Variants in CACNA2D1 observed in about 807,000 individuals in gnomAD.
CACNA2D1 encodes calcium voltage-gated channel auxiliary subunit alpha2delta 1, also known as voltage-dependent calcium channel subunit alpha-2/delta-1.
In CACNA2D1, 53 loss-of-function variants were observed where a neutral mutation model predicts 171.5. The ratio of observed to expected loss-of-function variants is 0.31; its 90% confidence interval spans 0.25 to 0.39. The LOEUF (loss-of-function observed/expected upper bound fraction) is 0.39. CACNA2D1 is among the 10% of genes least tolerant of loss of function. The pLI, the probability that CACNA2D1 is intolerant of heterozygous loss-of-function variation, is 1.00. For missense variants in CACNA2D1, 903 were observed against 1,299.8 expected (o/e 0.69, Z 4.69); for synonymous variants, 442 against 443.1 (o/e 1.00, Z 0.03).
At chr7:82,330,118 G>A (rs1430328880) in intron 3 of CACNA2D1, among the ~76,000 whole-genome samples, 6 of 151,724 alleles carry the variant, frequency 4.0e-5, no homozygotes, top group Admixed American at 2.6e-4. Flanking sequence ...CAACTAAAAG[G>A]TTTTGATATC....
At chr7:82,428,687 C>T (rs999850272) in intron 1 of CACNA2D1, among the ~76,000 whole-genome samples, 9 of 152,092 alleles carry the variant, frequency 5.9e-5, no homozygotes, top group African/African-American at 1.7e-4. Context: ...TACTTGATGG[C>T]CTCTCATTTA....
intron 1 of CACNA2D1, among the ~76,000 whole-genome samples, chr7:82,416,027 C>G (rs1317108039): frequency 6.6e-6 from 1 of 151,802 alleles, no homozygotes; most frequent in African/African-American, 2.4e-5. Flanking sequence ...CCAGTCTGAC[C>G]AACATGGTGA....
chr7:82,180,147 A>C (rs1467441387), intron 3 of CACNA2D1, among the ~76,000 whole-genome samples: 26 of 152,156 alleles, frequency 1.7e-4, no homozygotes, highest in Admixed American at 1.7e-3. Context: ...AATGCATAGC[A>C]AACAGCCTTG....
intron 10 of CACNA2D1, among the ~76,000 whole-genome samples, chr7:82,060,182 T>TATATATA (rs1806549783): frequency 7.3e-5 from 1 of 13,644 alleles, no homozygotes; most frequent in African/African-American, 2.4e-4. Flanking sequence ...ATATATAATA[T>TATATATA]ATATATATTA....
chr7:82,071,837 G>C (rs1808352314), intron 7 of CACNA2D1, among the ~76,000 whole-genome samples: 1 of 152,126 alleles, frequency 6.6e-6, no homozygotes, highest in Non-Finnish European at 1.5e-5. Context: ...AGTGATATAT[G>C]CATGACTCTT....
chr7:82,362,406 C>T (rs1024395129), intron 1 of CACNA2D1, among the ~76,000 whole-genome samples: 1 of 152,116 alleles, frequency 6.6e-6, no homozygotes, highest in Non-Finnish European at 1.5e-5. Context: ...CTCCCACAGG[C>T]CTGACAACCC....
intron 1 of CACNA2D1, among the ~76,000 whole-genome samples, chr7:82,378,639 A>G (rs1439364683): frequency 6.6e-6 from 1 of 152,110 alleles, no homozygotes; most frequent in Non-Finnish European, 1.5e-5. Flanking sequence ...TTTGTCATGA[A>G]TTCTCCAGAC....
intron 10 of CACNA2D1, among the ~76,000 whole-genome samples, chr7:82,043,365 A>G (rs1804179917): frequency 6.6e-6 from 1 of 152,198 alleles, no homozygotes; most frequent in Non-Finnish European, 1.5e-5. Flanking sequence ...TTTAGTAAAA[A>G]GGATTAGGAT....
intron 4 of CACNA2D1, among the ~76,000 whole-genome samples, chr7:82,168,256 G>C (rs1208969774): frequency 6.6e-6 from 1 of 151,986 alleles, no homozygotes; most frequent in Non-Finnish European, 1.5e-5. Flanking sequence ...TGATTCTCCT[G>C]CCTCAGCCTA....
intron 6 of CACNA2D1, among the ~76,000 whole-genome samples, chr7:82,096,148 T>C (rs115531100): frequency 0.018 from 2,720 of 152,308 alleles, 32 homozygotes; most frequent in Middle Eastern, 0.048. Flanking sequence ...GCACACTTTT[T>C]CTTAAAGAAC....
intron 1 of CACNA2D1, among the ~76,000 whole-genome samples, chr7:82,392,037 A>C (rs1241256533): frequency 3.3e-5 from 5 of 152,204 alleles, no homozygotes; most frequent in African/African-American, 4.8e-5. Context: ...CTTCAAGCCA[A>C]AGACACTTTA....
intron 1 of CACNA2D1, among the ~76,000 whole-genome samples, chr7:82,403,919 C>T (rs1826738524): frequency 6.6e-6 from 1 of 152,186 alleles, no homozygotes. Flanking sequence ...CCAATATCAT[C>T]CAAATCCAAC....
chr7:82,007,677 ACCT>A lies in CACNA2D1; in HGVS notation c.1439_1440+1del. The A allele has an allele frequency of 6.8e-7, 1 of 1,477,644 alleles. No homozygotes were observed. The highest frequency in any genetic ancestry group is 9.5e-7 in the Non-Finnish European group (1 of 1,057,406). The allele number at this position is 1,477,644 out of a possible 1,614,324, so 91.5% of individuals were successfully genotyped here. On this transcript the variant is annotated splice_donor_variant and coding_sequence_variant, in exon 16 of 39. Coordinates refer to ENST00000356860, the MANE Select transcript of CACNA2D1 (RefSeq NM_000722.4). LOFTEE classifies it high-confidence loss of function. The stretch of plus-strand genomic sequence containing the variant: ...TATTAATTTTATCAATTAACTTTTA[ACCT>A]TTAAGTTTGTCTTATTTTCAAATTG...
chr7:81,982,765 A>T (rs1336363701), intron 23 of CACNA2D1, 138 bp from the exon 24 acceptor site: 1 of 724,620 alleles, frequency 1.4e-6, no homozygotes, highest in African/African-American at 1.7e-5. Flanking sequence ...AAATTGAAAC[A>T]TATCAATGAA....
intron 34 of CACNA2D1, 143 bp downstream of exon 34, chr7:81,963,913 C>T: frequency 1.5e-6 from 1 of 689,196 alleles, no homozygotes; most frequent in Non-Finnish European, 2.6e-6. Flanking sequence ...ATAAATATTA[C>T]CAATAGGTGA....
chr7:82,053,958 T>C (rs1267927445), intron 10 of CACNA2D1, among the ~76,000 whole-genome samples: 2 of 152,344 alleles, frequency 1.3e-5, no homozygotes, highest in South Asian at 2.1e-4. Flanking sequence ...ATCAGTAAAG[T>C]CTGTATTAAC....
At chr7:82,005,338 T>TA (rs1799013234) in intron 18 of CACNA2D1, 85 bp downstream of exon 18, 2 of 864,756 alleles carry the variant, frequency 2.3e-6, no homozygotes, top group Non-Finnish European at 3.8e-6. Flanking sequence ...TGTTATACGG[T>TA]AAATTTTAAA....
chr7:81,995,492 C>G (rs1189630864), intron 19 of CACNA2D1, among the ~76,000 whole-genome samples: 1 of 151,978 alleles, frequency 6.6e-6, no homozygotes, highest in Non-Finnish European at 1.5e-5. Flanking sequence ...TAGAATACTC[C>G]AAATCCTTAA....
At chr7:82,251,923 G>C (rs1288255912) in intron 3 of CACNA2D1, among the ~76,000 whole-genome samples, 1 of 151,914 alleles carries the variant, frequency 6.6e-6, no homozygotes, top group Non-Finnish European at 1.5e-5. Flanking sequence ...GAACTACAAG[G>C]GACATGCAAG....
Sources: allele counts gnomAD v4.1 joint callset (sites outside exome capture counted in the v4.1 genomes callset), GRCh38; gene constraint gnomAD v4.1.1; transcripts MANE v1.5; gene names NCBI Gene and HGNC (gene_info 2026-07-23, HGNC 2026-07-21).